The following FSTL5 variants were observed in gnomAD, a reference collection of about 807,000 sequenced individuals.
FSTL5 encodes the protein follistatin-related protein 5.
Under a neutral mutation model 89.1 loss-of-function variants are expected in FSTL5, and 62 were observed. The ratio of observed to expected loss-of-function variants is 0.70; its 90% confidence interval spans 0.57 to 0.86. The LOEUF (loss-of-function observed/expected upper bound fraction) is 0.86. FSTL5 is among the 40% of genes least tolerant of loss of function. The probability of loss-of-function intolerance (pLI) is 0.00; values close to 1 mark genes in which losing one functional copy is unlikely to be tolerated. For synonymous variants in FSTL5, 383 were observed against 346.2 expected (o/e 1.11, Z -1.18); for missense variants, 1,057 against 1,001.6 (o/e 1.06, Z -0.75).
chr4:161,842,499 T>G (rs899803450), intron 4 of FSTL5, among the ~76,000 whole-genome samples: 1 of 152,306 alleles, frequency 6.6e-6, no homozygotes, highest in African/African-American at 2.4e-5. Flanking sequence ...CCATACATTT[T>G]ATTTCAAGTC....
chr4:161,885,959 T>C (rs899097836), intron 4 of FSTL5, among the ~76,000 whole-genome samples: 11 of 152,130 alleles, frequency 7.2e-5, no homozygotes, highest in African/African-American at 2.7e-4. Context: ...CGATGTAGAC[T>C]TAACTGACAG....
At chr4:161,973,542 T>C (rs1275248323) in intron 3 of FSTL5, among the ~76,000 whole-genome samples, 1 of 152,246 alleles carries the variant, frequency 6.6e-6, no homozygotes, top group East Asian at 1.9e-4. Context: ...TATTTATGTA[T>C]AATGCCATAA....
chr4:161,625,257 C>T (rs946012359), intron 7 of FSTL5, among the ~76,000 whole-genome samples: 4 of 152,004 alleles, frequency 2.6e-5, no homozygotes, highest in Non-Finnish European at 4.4e-5. Flanking sequence ...TTTTTACAAA[C>T]GAAAAGGTTC....
chr4:161,811,356 T>C (rs1045346077), intron 4 of FSTL5, among the ~76,000 whole-genome samples: 1 of 152,226 alleles, frequency 6.6e-6, no homozygotes, highest in African/African-American at 2.4e-5. Context: ...GATTATTTTA[T>C]AGTGATATTT....
chr4:161,401,894 G>A (rs774017769), intron 15 of FSTL5, among the ~76,000 whole-genome samples: 21 of 152,036 alleles, frequency 1.4e-4, no homozygotes, highest in Admixed American at 1.2e-3. Context: ...AAATTATATT[G>A]CTGTTACATG....
chr4:162,060,065 G>T (rs945521578), intron 2 of FSTL5, among the ~76,000 whole-genome samples: 86 of 152,174 alleles, frequency 5.7e-4, no homozygotes, highest in African/African-American at 2.0e-3. Flanking sequence ...TCTCAAAATT[G>T]TATTGAAAAT....
chr4:161,729,648 T>C (rs1739539670), intron 6 of FSTL5, among the ~76,000 whole-genome samples: 1 of 152,146 alleles, frequency 6.6e-6, no homozygotes, highest in Non-Finnish European at 1.5e-5. Flanking sequence ...ATTATGAAAA[T>C]CTCTTGAAAA....
At chr4:162,008,345 G>C (rs973355169) in intron 3 of FSTL5, among the ~76,000 whole-genome samples, 3 of 151,758 alleles carry the variant, frequency 2.0e-5, no homozygotes, top group African/African-American at 7.2e-5. Context: ...GAAGATGTTA[G>C]GAGCCAATGT....
rs537575180 is a variant in FSTL5 at position 161,669,818 on chromosome 4, T to C, written c.728-13324A>G. On this transcript the variant is annotated intron_variant, in intron 6 of 15. Transcript: ENST00000306100. Reference sequence around the variant, plus strand: ...ACAAGAGGAAAACCAAGACCATTTATAAACCTTAGGTAAGATAGATCATAA... The same window carrying C: ...ACAAGAGGAAAACCAAGACCATTTACAAACCTTAGGTAAGATAGATCATAA... Among the ~76,000 whole-genome samples, 4 of 152,222 alleles carry C rather than the reference T, an allele frequency of 2.6e-5. No individual in the cohort carries two copies. The East Asian group carries it at 7.7e-4, about 29-fold the overall frequency.
At chr4:162,060,504 T>G (rs1738687416) in intron 2 of FSTL5, among the ~76,000 whole-genome samples, 1 of 152,066 alleles carries the variant, frequency 6.6e-6, no homozygotes, top group African/African-American at 2.4e-5. Context: ...TTTAAAAAAC[T>G]ATTATTTACT....
At chr4:162,101,745 T>C (rs1393329892) in intron 2 of FSTL5, among the ~76,000 whole-genome samples, 1 of 152,176 alleles carries the variant, frequency 6.6e-6, no homozygotes, top group Non-Finnish European at 1.5e-5. Flanking sequence ...CTCCTAAACA[T>C]GCCGAATGTC....
intron 8 of FSTL5, among the ~76,000 whole-genome samples, chr4:161,584,963 C>A (rs988924986): frequency 1.3e-5 from 2 of 152,192 alleles, no homozygotes; most frequent in African/African-American, 4.8e-5. Context: ...TCAGCACAAG[C>A]AATCACTGCT....
intron 6 of FSTL5, among the ~76,000 whole-genome samples, chr4:161,668,703 G>A (rs903386516): frequency 2.0e-5 from 3 of 152,128 alleles, no homozygotes; most frequent in Non-Finnish European, 4.4e-5. Context: ...ATGCAAGAAT[G>A]AGTCAACATT....
At chr4:162,036,796 A>G (rs1737757137) in intron 2 of FSTL5, among the ~76,000 whole-genome samples, 1 of 151,980 alleles carries the variant, frequency 6.6e-6, no homozygotes, top group African/African-American at 2.4e-5. Context: ...ATGCCCATTC[A>G]ATATATTGAC....
chr4:161,461,655 T>C (rs1172908910), intron 13 of FSTL5, among the ~76,000 whole-genome samples: 3 of 152,086 alleles, frequency 2.0e-5, no homozygotes, highest in Non-Finnish European at 4.4e-5. Context: ...ATCTGGATTC[T>C]GTTAATTGTG....
intron 4 of FSTL5, among the ~76,000 whole-genome samples, chr4:161,886,949 T>G (rs910427740): frequency 6.6e-6 from 1 of 152,156 alleles, no homozygotes; most frequent in East Asian, 1.9e-4. Flanking sequence ...ACTTTACTGT[T>G]TAAACATATT....
Position 161,384,488 on chromosome 4 carries a change from A to G in FSTL5, c.*1259T>C, listed in dbSNP as rs754064875. The G allele has an allele frequency of 6.6e-6, 1 of 152,128 alleles. No individual in the cohort carries two copies. The highest frequency in any genetic ancestry group is 6.6e-5 in the Admixed American group (1 of 15,252). 9.4% of individuals were successfully genotyped at this position (152,128 alleles called of 1,614,324 possible). ...CCTCTTAAAACAAAACAGAAGCAAC[A>G]ATTTTTACTTTTCTACAGTGTCTCA... On this transcript the variant is annotated 3_prime_UTR_variant, in exon 16 of 16. Coordinates refer to ENST00000306100, the MANE Select transcript of FSTL5 (RefSeq NM_020116.5).
chr4:161,841,962 C>T (rs1560876218), intron 4 of FSTL5, among the ~76,000 whole-genome samples: 1 of 152,088 alleles, frequency 6.6e-6, no homozygotes, highest in East Asian at 1.9e-4. Flanking sequence ...TTACAGTGAG[C>T]TTCAGGGAAA....
At chr4:161,904,012 A>C (rs1733449714) in intron 4 of FSTL5, among the ~76,000 whole-genome samples, 1 of 152,112 alleles carries the variant, frequency 6.6e-6, no homozygotes, top group African/African-American at 2.4e-5. Context: ...AATTAGTAAA[A>C]AGAAAAATTT....
Sources: allele counts gnomAD v4.1 joint callset (sites outside exome capture counted in the v4.1 genomes callset), GRCh38; gene constraint gnomAD v4.1.1; transcripts MANE v1.5; gene names NCBI Gene and HGNC (gene_info 2026-07-23, HGNC 2026-07-21).